The following FAM107A variants were observed in gnomAD, a reference collection of about 807,000 sequenced individuals.
FAM107A encodes family with sequence similarity 107 member A.
FAM107A carries 19 observed loss-of-function variants against 13.7 expected under a neutral mutation model. The ratio of observed to expected loss-of-function variants is 1.38; its 90% CI spans 0.97 to 2.03. The LOEUF (loss-of-function observed/expected upper bound fraction) is 2.03. Among genes scored for constraint, FAM107A ranks in the 30% most tolerant of loss-of-function variants. The pLI is 0.00. For synonymous variants in FAM107A, 82 were observed against 74.5 expected, an observed-to-expected ratio of 1.10 and a Z score of -0.52; for missense variants, 203 against 184.4, an observed-to-expected ratio of 1.10 and a Z score of -0.58.
rs563250749 is a variant in FAM107A at position 58,604,006 on chromosome 3, C to G, written c.-69-14737G>C. Among the ~76,000 whole-genome samples, 215 of 152,234 alleles carry G rather than the reference C, an allele frequency of 1.4e-3. No individual in the cohort carries two copies. The highest frequency in any genetic ancestry group is 5.1e-3 in the African/African-American group (211 of 41,550). The stretch of plus-strand genomic sequence containing the variant: ...TTCACCAAAAGGAAAGAGGTTGAGG[C>G]CGTGGGTGGAAGCCCTCCCAATAGC... On this transcript the variant is annotated intron_variant, in intron 1 of 3. Coordinates refer to the FAM107A transcript ENST00000465970. The surrounding 1 kb of genome is among the most constrained non-coding windows in gnomAD (Gnocchi z 4.1).
intron 1 of FAM107A, among the ~76,000 whole-genome samples, chr3:58,586,555 G>T (rs1400740758): frequency 6.6e-6 from 1 of 152,058 alleles, no homozygotes; most frequent in African/African-American, 2.4e-5. Context: ...TGGGTGTGGT[G>T]GTGCGCACCT....
intron 1 of FAM107A, chr3:58,627,100 G>T: frequency 8.9e-7 from 1 of 1,128,654 alleles, no homozygotes; most frequent in Non-Finnish European, 1.3e-6. Context: ...CCCGGGGCGA[G>T]GGCCCCCTGT....
chr3:58,616,052 G>C (rs554664950), intron 1 of FAM107A, among the ~76,000 whole-genome samples: 9 of 152,234 alleles, frequency 5.9e-5, no homozygotes, highest in African/African-American at 2.2e-4. Context: ...AGAGATACCT[G>C]TGGAGCCCAG....
At chr3:58,568,408 C>G (rs141894614) in intron 2 of FAM107A, among the ~76,000 whole-genome samples, 8,953 of 150,944 alleles carry the variant, frequency 0.059, 288 homozygotes, top group Middle Eastern at 0.1. Flanking sequence ...GCACTCCAGC[C>G]TGGGCGACAG....
In FAM107A at chr3:58,613,288, G is replaced by C. The variant is rs185142452; in HGVS notation, c.-70+14128C>G. ...GATCAAGGAGGTGGCCAAGGTTACA[G>C]AGCTAGTGAGATGGGGAGCAGGAGT... On this transcript the variant is annotated intron_variant, in intron 1 of 3. Coordinates refer to the FAM107A transcript ENST00000465970. This position sits in a 1 kb window ranked among gnomAD's most constrained non-coding sequence, Gnocchi z 4.6. Among the ~76,000 whole-genome samples the C allele has an allele frequency of 1.3e-5, 2 of 152,214 alleles. No homozygotes were observed. The highest frequency in any genetic ancestry group is 1.3e-4 in the Admixed American group (2 of 15,282).
At chr3:58,586,289 C>T (rs2065605005) in intron 1 of FAM107A, among the ~76,000 whole-genome samples, 1 of 152,206 alleles carries the variant, frequency 6.6e-6, no homozygotes, top group Admixed American at 6.5e-5. Context: ...GGTGGAACCT[C>T]ACAGGACTTC....
Position 58,565,587 on chromosome 3 carries a change from C to A in FAM107A, c.*1001G>T, listed in dbSNP as rs1043896350. On this transcript the variant is annotated 3_prime_UTR_variant, in exon 4 of 4. Coordinates refer to ENST00000360997, the MANE Select transcript of FAM107A (RefSeq NM_001076778.3). ...TTTGCTAGGCCAAAGTCTTCACGGGCAATCCCTGGGGTGGGAGTCTGGGAT... is the reference window on the plus strand; with the variant it reads ...TTTGCTAGGCCAAAGTCTTCACGGGAAATCCCTGGGGTGGGAGTCTGGGAT... 1 of 151,734 alleles carries A rather than the reference C, an allele frequency of 6.6e-6. No homozygotes were observed. Among genetic ancestry groups the A allele is most frequent in the Admixed American group, 6.6e-5 (1 of 15,236 alleles). 9.4% of individuals were successfully genotyped at this position (151,734 alleles called of 1,614,324 possible). A position where few individuals can be genotyped will look rare whatever the true frequency, so the allele number is the denominator to read the frequency against.
chr3:58,566,884 A>C, intron 3 of FAM107A, 189 bp from the exon 4 acceptor site: 6 of 611,178 alleles, frequency 9.8e-6, no homozygotes, highest in Non-Finnish European at 1.7e-5. Flanking sequence ...AGCCTGGTTC[A>C]AATCACTCAC....
At chr3:58,602,625 G>A (rs2065762334) in intron 1 of FAM107A, among the ~76,000 whole-genome samples, 1 of 152,142 alleles carries the variant, frequency 6.6e-6, no homozygotes, top group Non-Finnish European at 1.5e-5. Context: ...GGCTAAGAAG[G>A]ATGTTGTAGA....
chr3:58,624,421 C>T (rs925037078), intron 1 of FAM107A, among the ~76,000 whole-genome samples: 3 of 152,184 alleles, frequency 2.0e-5, no homozygotes, highest in Non-Finnish European at 4.4e-5. Context: ...GACTCCTGGC[C>T]CAGTGGTCTA....
intron 1 of FAM107A, among the ~76,000 whole-genome samples, chr3:58,600,559 G>T (rs1575451470): frequency 6.6e-6 from 1 of 152,214 alleles, no homozygotes; most frequent in African/African-American, 2.4e-5. Flanking sequence ...GCCCAGGTCA[G>T]CCTGGCTCCA....
chr3:58,569,268 C>A lies in FAM107A; in HGVS notation c.170+423G>T, dbSNP rs2063656595. Reference sequence around the variant, plus strand: ...CTGTGAAGTCATTTTAGACCCCTCTCGGGTTCCTCCTCTGGGGTCTCAGGC... The same window carrying A: ...CTGTGAAGTCATTTTAGACCCCTCTAGGGTTCCTCCTCTGGGGTCTCAGGC... On this transcript the variant is annotated intron_variant, in intron 2 of 3. Coordinates refer to ENST00000360997, the MANE Select transcript of FAM107A (RefSeq NM_001076778.3). The surrounding 1 kb of genome is among the most constrained non-coding windows in gnomAD (Gnocchi z 5.7). Among the ~76,000 whole-genome samples, 4 of 152,182 alleles carry A rather than the reference C, an allele frequency of 2.6e-5. No homozygotes were observed. The highest frequency in any genetic ancestry group is 9.7e-5 in the African/African-American group (4 of 41,446).
chr3:58,592,877 A>T (rs1304734858), intron 1 of FAM107A, among the ~76,000 whole-genome samples: 2 of 152,220 alleles, frequency 1.3e-5, no homozygotes, highest in Non-Finnish European at 2.9e-5. Context: ...CATCCCAGAC[A>T]CCAGCCTTCT....
At chr3:58,577,655 G>C (rs1300575906), upstream of FAM107A, 1 of 985,240 alleles carries the variant, frequency 1.0e-6, no homozygotes, top group Non-Finnish European at 1.2e-6. This position sits in a 1 kb window ranked among gnomAD's most constrained non-coding sequence, Gnocchi z 4.9. Flanking sequence ...GCTTTGTTCT[G>C]AGCAAGGCGG....
intron 2 of FAM107A, among the ~76,000 whole-genome samples, chr3:58,567,688 G>T (rs957807641): frequency 7.2e-5 from 11 of 152,178 alleles, no homozygotes; most frequent in African/African-American, 2.2e-4. Context: ...GCTGGGTCAG[G>T]CTCTTTAAAA....
chr3:58,568,525 C>T (rs1228276284), intron 2 of FAM107A, among the ~76,000 whole-genome samples: 3 of 151,928 alleles, frequency 2.0e-5, no homozygotes, highest in Non-Finnish European at 4.4e-5. Context: ...ATTTATATTA[C>T]AAATACTTTC....
chr3:58,566,811 G>A (rs1323245503), intron 3 of FAM107A, 116 bp from the exon 4 acceptor site: 6 of 764,818 alleles, frequency 7.8e-6, no homozygotes, highest in African/African-American at 6.9e-5. Context: ...CCAACCTGGG[G>A]ATGAGTTTTG....
chr3:58,586,842 C>G (rs1268497803), intron 1 of FAM107A: 1 of 1,522,714 alleles, frequency 6.6e-7, no homozygotes, highest in Non-Finnish European at 8.8e-7. Context: ...GCGAGGGTGG[C>G]GTTGCTCCCA....
In FAM107A at chr3:58,564,368, C is replaced by T. The variant is rs1175526353; in HGVS notation, c.*2220G>A. ...CTTTCCCAGAAGCCCAGGTAGACTT[C>T]CTCTTCAATTTCATTGGCCACACCT... On this transcript the variant is annotated 3_prime_UTR_variant, in exon 4 of 4. Coordinates refer to ENST00000360997, the MANE Select transcript of FAM107A (RefSeq NM_001076778.3). This position sits in a 1 kb window ranked among gnomAD's most constrained non-coding sequence, Gnocchi z 5.6. 2 of 151,236 alleles carry T rather than the reference C, an allele frequency of 1.3e-5. No homozygotes were observed. The highest frequency in any genetic ancestry group is 4.9e-5 in the African/African-American group (2 of 40,506). The allele number at this position is 151,236 out of a possible 1,614,324, so 9.4% of individuals were successfully genotyped here. A position where few individuals can be genotyped will look rare whatever the true frequency, so the allele number is the denominator to read the frequency against.
Sources: allele counts gnomAD v4.1 joint callset (sites outside exome capture counted in the v4.1 genomes callset), GRCh38; gene constraint gnomAD v4.1.1; non-coding constraint Gnocchi (gnomAD v3.1); transcripts MANE v1.5; gene names NCBI Gene and HGNC (gene_info 2026-07-23, HGNC 2026-07-21).